The following ANKFN1 variants were observed in gnomAD, a reference collection of about 807,000 sequenced individuals.
ANKFN1 encodes the protein ankyrin repeat and fibronectin type III domain containing 1.
A neutral mutation model predicts 108.7 loss-of-function variants in ANKFN1; 74 were observed. That is an observed-to-expected ratio of 0.68 (90% CI 0.56 to 0.83). ANKFN1 has a LOEUF of 0.83. ANKFN1 is among the 40% of genes least tolerant of loss of function. The pLI is 0.00. For synonymous variants in ANKFN1, 547 were observed against 516.2 expected (o/e 1.06, Z -0.81); for missense variants, 1,505 against 1,382.3 (o/e 1.09, Z -1.41).
chr17:56,157,761 G>A (rs1023449100), intron 1 of ANKFN1, among the ~76,000 whole-genome samples: 1 of 152,140 alleles, frequency 6.6e-6, no homozygotes, highest in Non-Finnish European at 1.5e-5. Context: ...TTTAATCTAG[G>A]GCTTGAGGGT....
intron 4 of ANKFN1, among the ~76,000 whole-genome samples, chr17:56,124,787 A>G (rs116022715): frequency 0.011 from 1,649 of 152,282 alleles, 26 homozygotes; most frequent in African/African-American, 0.037. Context: ...GGGATTATTC[A>G]TTTGCCATTA....
intron 8 of ANKFN1, among the ~76,000 whole-genome samples, chr17:56,396,888 C>G (rs2047604716): frequency 6.6e-6 from 1 of 152,106 alleles, no homozygotes; most frequent in South Asian, 2.1e-4. Flanking sequence ...CACCACCCAT[C>G]AGCTTAAAGG....
chr17:56,514,588 A>G lies in ANKFN1; in HGVS notation c.*3319A>G, dbSNP rs904179299. On this transcript the variant is annotated 3_prime_UTR_variant, in exon 21 of 21. Coordinates refer to ENST00000682825, the MANE Select transcript of ANKFN1 (RefSeq NM_001370326.1). ...GACAGTAATTAAAAACATTCACTCC[A>G]GGGAATGAGTATTTTAAGAAGTAGG... Among the ~76,000 whole-genome samples, 5 of 152,202 alleles carry G rather than the reference A, an allele frequency of 3.3e-5. No homozygotes were observed.
rs759913821 is a variant in ANKFN1 at position 56,492,433 on chromosome 17, G to A, written c.2427+80G>A. 33 of 671,042 alleles carry A rather than the reference G, an allele frequency of 4.9e-5. No individual in the cohort carries two copies. The Admixed American group carries it at 6.7e-4, about 14-fold the overall frequency. The allele number at this position is 671,042 out of a possible 1,614,324, so 41.6% of individuals were successfully genotyped here. ...GGGTGAAAAGCCAAGCATGGGAAAGGACAGCAGTCCAGGCTGATTCAAAGA... is the reference window on the plus strand; with the variant it reads ...GGGTGAAAAGCCAAGCATGGGAAAGAACAGCAGTCCAGGCTGATTCAAAGA... On this transcript the variant is annotated intron_variant, in intron 19 of 20. Transcript: ENST00000682825.
chr17:56,361,432 C>A (rs557997736), intron 6 of ANKFN1, among the ~76,000 whole-genome samples: 1 of 152,046 alleles, frequency 6.6e-6, no homozygotes, highest in East Asian at 1.9e-4. Context: ...TTAAATTAAA[C>A]CCTTAGAAAA....
intron 3 of ANKFN1, among the ~76,000 whole-genome samples, chr17:56,240,848 A>G (rs1917529573): frequency 6.6e-6 from 1 of 151,916 alleles, no homozygotes; most frequent in Non-Finnish European, 1.5e-5. Context: ...ATATTTTACT[A>G]TTTTTTAATG....
intron 4 of ANKFN1, among the ~76,000 whole-genome samples, chr17:56,125,711 G>A (rs1038860438): frequency 1.3e-5 from 2 of 152,308 alleles, no homozygotes; most frequent in South Asian, 2.1e-4. Context: ...CGGTAATAAA[G>A]TTATGATTTG....
At chr17:56,076,183 A>G (rs1905178821) in intron 4 of ANKFN1, among the ~76,000 whole-genome samples, 1 of 152,192 alleles carries the variant, frequency 6.6e-6, no homozygotes, top group African/African-American at 2.4e-5. Context: ...CAATTGTAAT[A>G]TTACTAGTAA....
chr17:56,381,872 A>G (rs1186966721), intron 8 of ANKFN1, among the ~76,000 whole-genome samples: 1 of 152,204 alleles, frequency 6.6e-6, no homozygotes, highest in Admixed American at 6.5e-5. Flanking sequence ...GCAGGATATT[A>G]TCCAGGAGAA....
chr17:56,410,023 C>A lies in ANKFN1; in HGVS notation c.911-30304C>A, dbSNP rs572043461. 5.3e-5 allele frequency among the ~76,000 whole-genome samples: 8 copies of A among 152,158 alleles called. No homozygotes were observed. In the East Asian group the frequency reaches 1.5e-3, roughly 29 times the overall value. On this transcript the variant is annotated intron_variant, in intron 8 of 20. Coordinates refer to ENST00000682825, the MANE Select transcript of ANKFN1 (RefSeq NM_001370326.1). ...AGAGTACTATTAAGCAGAAGAAAAG[C>A]CAGGCCAATTTTAAGAGGTAAAACC...
At chr17:56,357,943 A>G (rs1370180648) in intron 6 of ANKFN1, among the ~76,000 whole-genome samples, 1 of 152,184 alleles carries the variant, frequency 6.6e-6, no homozygotes, top group Non-Finnish European at 1.5e-5. Flanking sequence ...TCGGAATTTT[A>G]AAGGTCAAAT....
chr17:56,456,741 C>T (rs528551731), intron 11 of ANKFN1, 120 bp from the exon 12 acceptor site: 128 of 786,388 alleles, frequency 1.6e-4, no homozygotes, highest in Non-Finnish European at 1.9e-4. Context: ...CCTACATGAA[C>T]CTGAGGATAA....
At chr17:56,232,240 A>G (rs771290076) in intron 3 of ANKFN1, among the ~76,000 whole-genome samples, 1 of 152,196 alleles carries the variant, frequency 6.6e-6, no homozygotes, top group Non-Finnish European at 1.5e-5. Flanking sequence ...GCATTTTTCA[A>G]TGCTCCTTTT....
At chr17:56,228,231 A>C (rs1393092328) in intron 3 of ANKFN1, 1 of 362,340 alleles carries the variant, frequency 2.8e-6, no homozygotes, top group Non-Finnish European at 4.9e-6. Context: ...ATATTCATTT[A>C]TATATTATGA....
intron 8 of ANKFN1, among the ~76,000 whole-genome samples, chr17:56,423,929 G>A (rs944373330): frequency 1.3e-5 from 2 of 152,122 alleles, no homozygotes; most frequent in African/African-American, 2.4e-5. Context: ...GGAATGTATT[G>A]GCTTTATATG....
intron 4 of ANKFN1, among the ~76,000 whole-genome samples, chr17:56,347,860 A>G (rs954161530): frequency 5.9e-5 from 9 of 152,058 alleles, no homozygotes. Context: ...GGTAGGTGTC[A>G]TCAGTTAGAG....
intron 2 of ANKFN1, among the ~76,000 whole-genome samples, chr17:56,227,491 T>C (rs941021197): frequency 6.6e-6 from 1 of 152,126 alleles, no homozygotes; most frequent in African/African-American, 2.4e-5. Flanking sequence ...GAAGTTTCAT[T>C]TAAAGGAACA....
chr17:56,374,718 C>G lies in ANKFN1; in HGVS notation c.910+4C>G, dbSNP rs930491820. On this transcript the variant is annotated splice_donor_region_variant and intron_variant, in intron 8 of 20. Transcript: ENST00000682825. Reference sequence around the variant, plus strand: ...GCTGTAGTAACCAGGTATAAAGGTACTGGACCCAAGACATGTTTTCATCAC... The same window carrying G: ...GCTGTAGTAACCAGGTATAAAGGTAGTGGACCCAAGACATGTTTTCATCAC... 7 of 1,601,978 alleles carry G rather than the reference C, an allele frequency of 4.4e-6. No individual in the cohort carries two copies. The highest frequency in any genetic ancestry group is 5.1e-6 in the Non-Finnish European group (6 of 1,170,400).
intron 4 of ANKFN1, among the ~76,000 whole-genome samples, chr17:56,327,854 A>C (rs890738294): frequency 6.6e-6 from 1 of 152,210 alleles, no homozygotes; most frequent in Admixed American, 6.5e-5. Flanking sequence ...TGATGAACTA[A>C]GTATTCAAGA....
Sources: gnomAD v4.1 joint callset for allele counts (sites outside exome capture counted in the v4.1 genomes callset) on GRCh38, gnomAD v4.1.1 for gene constraint, MANE v1.5 for transcripts, NCBI Gene and HGNC (gene_info 2026-07-23, HGNC 2026-07-21) for gene names.